NDUFC1: variants seen among roughly 807,000 people sequenced by gnomAD.
NDUFC1 encodes the protein NADH dehydrogenase [ubiquinone] 1 subunit C1, mitochondrial.
In NDUFC1, 11 loss-of-function variants were observed where a neutral mutation model predicts 11.6. The observed-to-expected ratio is 0.95, with a 90% CI of 0.60 to 1.58. The LOEUF (loss-of-function observed/expected upper bound fraction) is 1.58, where lower values mean the gene tolerates loss of function less well. Ranked by LOEUF, NDUFC1 falls within the 40% of genes most tolerant of loss-of-function variation. The pLI is 0.00. For missense variants in NDUFC1, 112 were observed against 93.0 expected (o/e 1.20, Z -0.84); for synonymous variants, 52 against 42.2 (o/e 1.23, Z -0.90).
chr4:139,296,737 T>C (rs1745489342), intron 2 of NDUFC1, among the ~76,000 whole-genome samples: 1 of 152,218 alleles, frequency 6.6e-6, no homozygotes, highest in Non-Finnish European at 1.5e-5. Flanking sequence ...TTGAGCCAGA[T>C]CTTTGTACAT....
chr4:139,294,273 C>G (rs1005700280), intron 4 of NDUFC1, among the ~76,000 whole-genome samples: 4 of 151,956 alleles, frequency 2.6e-5, no homozygotes, highest in Non-Finnish European at 4.4e-5. Flanking sequence ...TCGCTACACA[C>G]TATGTACAAT....
At chr4:139,298,354 G>A (rs1377832645) in intron 1 of NDUFC1, among the ~76,000 whole-genome samples, 21 of 150,414 alleles carry the variant, frequency 1.4e-4, no homozygotes. Context: ...CAGGAAAATC[G>A]CTTGAACCCA....
rs762300561 is a variant in NDUFC1 at position 139,295,745 on chromosome 4, C to A, written c.54G>T (p.Arg18Ser). 1.3e-6 allele frequency: 2 copies of A among 1,547,808 alleles called. No individual in the cohort carries two copies. Among genetic ancestry groups the A allele is most frequent in the East Asian group, 4.9e-5 (2 of 40,876 alleles). Reference sequence around the variant, plus strand: ...GAGGATACTCACGGCCGCTCGGGAGCCTGGCGGGGGCCAGCAGCCGGGAAA... The same window carrying A: ...GAGGATACTCACGGCCGCTCGGGAGACTGGCGGGGGCCAGCAGCCGGGAAA... ...RPLSRLLAPA[R>S]LPSGPSVRSK... The change falls in exon 3 of 6, where the codon AGG becomes AGT. Residue 18 changes from arginine (R) to serine (S), a missense_variant. Arg to Ser is a moderately radical substitution (Grantham distance 110). Transcript: ENST00000394223.
intron 5 of NDUFC1, among the ~76,000 whole-genome samples, chr4:139,290,804 CATTT>C (rs1340903946): frequency 4.0e-5 from 6 of 150,764 alleles, no homozygotes; most frequent in Non-Finnish European, 7.4e-5. Context: ...TTTATTCATT[CATTT>C]ATTTTTGAGA....
At chr4:139,292,673 G>A in intron 4 of NDUFC1, 64 bp from the exon 5 acceptor site, 1 of 1,053,372 alleles carries the variant, frequency 9.5e-7, no homozygotes, top group Non-Finnish European at 1.4e-6. Context: ...ATTTTGTAAA[G>A]GAATAAGGAT....
chr4:139,301,844 C>A, intron 1 of NDUFC1: 1 of 1,585,526 alleles, frequency 6.3e-7, no homozygotes, highest in Non-Finnish European at 8.6e-7. Context: ...AAGTGTGAGG[C>A]TCCGGGCAAG....
At chr4:139,297,169 G>A (rs945447036) in intron 2 of NDUFC1, among the ~76,000 whole-genome samples, 52 of 152,184 alleles carry the variant, frequency 3.4e-4, no homozygotes, top group Non-Finnish European at 4.4e-5. Context: ...TACACCATCC[G>A]TTGGAAGCTT....
Position 139,301,810 on chromosome 4 carries a change from T to C in NDUFC1, c.-222+606A>G, listed in dbSNP as rs762871197. 23 of 1,593,094 alleles carry C rather than the reference T, an allele frequency of 1.4e-5. No homozygotes were observed. Among genetic ancestry groups the C allele is most frequent in the Non-Finnish European group, 1.9e-5 (22 of 1,169,626 alleles). ...CCGTGAGCCTCCCGCCCAAGGAGAA[T>C]GCGCTCTTCAAGCGGATCTTGGTAA... On this transcript the variant is annotated intron_variant, in intron 1 of 5. Coordinates refer to ENST00000394223, the MANE Select transcript of NDUFC1 (RefSeq NM_001184989.2).
chr4:139,295,156 G>A lies in NDUFC1; in HGVS notation c.68-10C>T, dbSNP rs998391637. The A allele has an allele frequency of 5.0e-6, 8 of 1,610,866 alleles. No individual in the cohort carries two copies. The African/African-American group carries it at 1.1e-4, about 22-fold the overall frequency. On this transcript the variant is annotated splice_polypyrimidine_tract_variant and intron_variant, in intron 3 of 5. Transcript: ENST00000394223. ...TTTGATCGCACTGAAGCTGAAAGGGGAAGAGGGTCTGTAAATTTGTAACTT... is the reference window on the plus strand; with the variant it reads ...TTTGATCGCACTGAAGCTGAAAGGGAAAGAGGGTCTGTAAATTTGTAACTT...
chr4:139,294,706 G>T lies in NDUFC1; in HGVS notation c.171+337C>A, dbSNP rs561048874. Among the ~76,000 whole-genome samples, 32 of 148,872 alleles carry T rather than the reference G, an allele frequency of 2.1e-4. No homozygotes were observed. In the South Asian group the frequency reaches 6.6e-3, roughly 31 times the overall value. On this transcript the variant is annotated intron_variant, in intron 4 of 5. Transcript: ENST00000394223. ...GCCGAGATCACGCCACTGCACTCCA[G>T]CCTGGGAGACAGAGTGAGACTCCAT...
Position 139,295,810 on chromosome 4 carries a change from C to A in NDUFC1, c.-12G>T. 1 of 1,543,368 alleles carries A rather than the reference C, an allele frequency of 6.5e-7. No homozygotes were observed. Among genetic ancestry groups the A allele is most frequent in the South Asian group, 1.2e-5 (1 of 83,498 alleles). On this transcript the variant is annotated 5_prime_UTR_variant, in exon 3 of 6. Coordinates refer to ENST00000394223, the MANE Select transcript of NDUFC1 (RefSeq NM_001184989.2). ...GCGGACGGCGCCATCTTGCGTGGCC[C>A]AGCTCAGTCTCTCCGAGTTGGCAAC...
At chr4:139,298,091 A>G (rs1745539573) in intron 1 of NDUFC1, among the ~76,000 whole-genome samples, 1 of 151,858 alleles carries the variant, frequency 6.6e-6, no homozygotes, top group African/African-American at 2.4e-5. Flanking sequence ...AAAGAAAAAA[A>G]CCAACAACCT....
At chr4:139,298,295 C>G (rs372967562) in intron 1 of NDUFC1, among the ~76,000 whole-genome samples, 2 of 147,826 alleles carry the variant, frequency 1.4e-5, no homozygotes, top group African/African-American at 5.0e-5. Context: ...CAAAATTAGC[C>G]GGGCATGGTG....
chr4:139,301,740 G>A (rs763500571), intron 1 of NDUFC1: 5 of 1,546,344 alleles, frequency 3.2e-6, no homozygotes, highest in Non-Finnish European at 4.4e-6. Flanking sequence ...GACTGACCGA[G>A]CCGGGTGGTG....
In NDUFC1 at chr4:139,294,465, G is replaced by A. The variant is rs200507999; in HGVS notation, c.171+578C>T. ...AAGTATAATTACTATTGCCGGGCGT[G>A]GTGGCTCACGCCTGTAATCAGAACA... On this transcript the variant is annotated intron_variant, in intron 4 of 5. Transcript: ENST00000394223. 9.2e-5 allele frequency among the ~76,000 whole-genome samples: 14 copies of A among 152,012 alleles called. No individual in the cohort carries two copies. The East Asian group carries it at 1.4e-3, about 15-fold the overall frequency.
At chr4:139,299,398 GATTTT>G (rs2110786288) in intron 1 of NDUFC1, among the ~76,000 whole-genome samples, 2 of 152,114 alleles carry the variant, frequency 1.3e-5, no homozygotes, top group Admixed American at 1.3e-4. Context: ...CAAGGTAAAT[GATTTT>G]ATTTCTTTCT....
chr4:139,292,352 C>T (rs1410815191), intron 5 of NDUFC1, among the ~76,000 whole-genome samples, 178 bp downstream of exon 5: 2 of 149,342 alleles, frequency 1.3e-5, no homozygotes, highest in Non-Finnish European at 3.0e-5. Flanking sequence ...CCCCCCAAAA[C>T]AAAACCAACT....
At chr4:139,297,667 G>A (rs1226056244) in intron 1 of NDUFC1, among the ~76,000 whole-genome samples, 3 of 151,872 alleles carry the variant, frequency 2.0e-5, no homozygotes, top group African/African-American at 7.3e-5. Context: ...CCCAAGGAAG[G>A]TAAAAAAAGA....
chr4:139,292,203 T>A (rs1054932394), intron 5 of NDUFC1, among the ~76,000 whole-genome samples: 2 of 152,106 alleles, frequency 1.3e-5, no homozygotes, highest in African/African-American at 4.8e-5. Flanking sequence ...TTAAAAATGA[T>A]TACGCTAAAA....
Sources: allele counts gnomAD v4.1 joint callset (sites outside exome capture counted in the v4.1 genomes callset), GRCh38; gene constraint gnomAD v4.1.1; transcripts MANE v1.5; gene names NCBI Gene and HGNC (gene_info 2026-07-23, HGNC 2026-07-21).